CDH23: variants seen among roughly 807,000 people sequenced by gnomAD.
The protein encoded by CDH23 is cadherin related 23.
A neutral mutation model predicts 317.1 loss-of-function variants in CDH23; 189 were observed. The ratio of observed to expected loss-of-function variants is 0.60; its 90% CI spans 0.53 to 0.67. The LOEUF is 0.67. Ranked by LOEUF, CDH23 falls within the 30% of genes least tolerant of loss-of-function variation. The pLI is 0.00. For missense variants in CDH23, 4,401 were observed against 4,592.4 expected (o/e 0.96, Z 1.20); for synonymous variants, 1,839 against 1,876.8 (o/e 0.98, Z 0.52).
At chr10:71,792,697 C>T (rs1841283159) in intron 47 of CDH23, among the ~76,000 whole-genome samples, 1 of 151,036 alleles carries the variant, frequency 6.6e-6, no homozygotes, top group Admixed American at 6.6e-5. Flanking sequence ...TAGTGGGTGC[C>T]TGTAATCCCA....
chr10:71,684,824 G>A (rs1864807963), intron 18 of CDH23, among the ~76,000 whole-genome samples: 1 of 152,160 alleles, frequency 6.6e-6, no homozygotes, highest in Non-Finnish European at 1.5e-5. Flanking sequence ...GGAGGTCTAG[G>A]GAAATAAGTT....
chr10:71,469,919 G>T (rs922540335), intron 3 of CDH23, among the ~76,000 whole-genome samples: 1 of 152,092 alleles, frequency 6.6e-6, no homozygotes, highest in Non-Finnish European at 1.5e-5. Flanking sequence ...TGTGTACTTT[G>T]TGTGGACACA....
At chr10:71,677,947 C>G (rs1461325280) in intron 16 of CDH23, among the ~76,000 whole-genome samples, 1 of 152,012 alleles carries the variant, frequency 6.6e-6, no homozygotes, top group Non-Finnish European at 1.5e-5. Flanking sequence ...TTCTTCTTGA[C>G]CAACCCCCTA....
At chr10:71,758,142 T>C (rs910668558) in intron 38 of CDH23, among the ~76,000 whole-genome samples, 10 of 152,188 alleles carry the variant, frequency 6.6e-5, no homozygotes, top group Non-Finnish European at 1.3e-4. Context: ...GAGACCAGCC[T>C]GACCAACATG....
intron 8 of CDH23, 95 bp downstream of exon 8, chr10:71,571,013 T>A (rs1857763564): frequency 7.0e-7 from 1 of 1,432,376 alleles, no homozygotes; most frequent in Non-Finnish European, 9.6e-7. Flanking sequence ...TGGGCTGGGC[T>A]CCTCCTTGGC....
chr10:71,652,603 G>C (rs566092223), intron 14 of CDH23, among the ~76,000 whole-genome samples: 49 of 152,338 alleles, frequency 3.2e-4, no homozygotes, highest in African/African-American at 1.2e-3. Context: ...CCTCTTCTGT[G>C]AGCTGGGGGA....
chr10:71,766,332 G>A (rs974969476), intron 38 of CDH23, among the ~76,000 whole-genome samples: 9 of 152,146 alleles, frequency 5.9e-5, no homozygotes, highest in Non-Finnish European at 1.0e-4. Flanking sequence ...TCCAGTTGCC[G>A]TGCTGCTGTC....
chr10:71,796,096 T>C (rs1276901399), intron 48 of CDH23: 12 of 986,114 alleles, frequency 1.2e-5, no homozygotes, highest in Non-Finnish European at 1.4e-5. Context: ...GACTACCCCA[T>C]GGCTGGGGAC....
At chr10:71,406,702 C>T (rs1035544460) in intron 1 of CDH23, among the ~76,000 whole-genome samples, 7 of 152,218 alleles carry the variant, frequency 4.6e-5, no homozygotes, top group African/African-American at 1.2e-4. Flanking sequence ...ATGTTAGCAA[C>T]GAATTTAATA....
chr10:71,525,170 G>A (rs1854963844), intron 6 of CDH23, among the ~76,000 whole-genome samples: 1 of 152,162 alleles, frequency 6.6e-6, no homozygotes, highest in African/African-American at 2.4e-5. Context: ...GCCCCCCAAA[G>A]TGCTGGGATT....
intron 69 of CDH23, 148 bp from the exon 70 acceptor site, chr10:71,814,804 T>C (rs1842072163): frequency 4.5e-6 from 4 of 895,712 alleles, no homozygotes; most frequent in Non-Finnish European, 6.6e-6. Context: ...TGATTCCCCT[T>C]TGCAGGCAGT....
rs181283740 is a variant in CDH23 at position 71,405,079 on chromosome 10, C to T, written c.-6+7761C>T. 4.6e-5 allele frequency among the ~76,000 whole-genome samples: 7 copies of T among 152,282 alleles called. 1 individual carries two copies. The highest frequency in any genetic ancestry group is 2.1e-4 in the South Asian group (1 of 4,824). ...CCATTTGTATCACTAATTCTGTCCC[C>T]GAGGAATGCTGGCTTTCCCTGGCTT... On this transcript the variant is annotated intron_variant, in intron 1 of 69. Coordinates refer to ENST00000224721, the MANE Select transcript of CDH23 (RefSeq NM_022124.6).
At position 71,446,217 on chromosome 10, in the gene CDH23, C is replaced by A. The variant is rs935906056; in HGVS notation, c.68-101C>A. On this transcript the variant is annotated intron_variant, in intron 2 of 69. Coordinates refer to ENST00000224721, the MANE Select transcript of CDH23 (RefSeq NM_022124.6). Reference sequence around the variant, plus strand: ...GGGAAGTTGACCATGGCCATGGACACAGGCTCAGTGCCCACTGCAGCCCTC... The same window carrying A: ...GGGAAGTTGACCATGGCCATGGACAAAGGCTCAGTGCCCACTGCAGCCCTC... The A allele has an allele frequency of 2.6e-6, 3 of 1,138,972 alleles. No homozygotes were observed. In the African/African-American group the frequency reaches 4.6e-5, roughly 17 times the overall value. The allele number at this position is 1,138,972 out of a possible 1,614,324, so 70.6% of individuals were successfully genotyped here. A position where few individuals can be genotyped will look rare whatever the true frequency, so the allele number is the denominator to read the frequency against.
In CDH23 at chr10:71,815,148, T is replaced by A. The variant is rs371764852; in HGVS notation, c.9935T>A (p.Leu3312Gln). 1.7e-5 allele frequency: 27 copies of A among 1,611,412 alleles called. No homozygotes were observed. Among genetic ancestry groups the A allele is most frequent in the Non-Finnish European group, 2.3e-5 (27 of 1,179,144 alleles). Residue 3312 changes from leucine to glutamine, a missense_variant, in exon 70 of 70, where the codon CTG becomes CAG. Leu to Gln is a moderately radical substitution (Grantham distance 113). Coordinates refer to ENST00000224721, the MANE Select transcript of CDH23 (RefSeq NM_022124.6). ...EEDQKGLGRS[L>Q]ETLTAAEATA... ...GACCAGAAGGGCCTGGGCCGCTCGC[T>A]GGAGACGCTGACCGCTGCCGAGGCC...
chr10:71,526,275 C>A (rs2132246638), intron 6 of CDH23, among the ~76,000 whole-genome samples: 1 of 152,340 alleles, frequency 6.6e-6, no homozygotes, highest in African/African-American at 2.4e-5. Flanking sequence ...CTGTCCCTGT[C>A]CTGTCCCACC....
chr10:71,546,206 A>G (rs1856270801), intron 6 of CDH23, among the ~76,000 whole-genome samples: 1 of 152,044 alleles, frequency 6.6e-6, no homozygotes, highest in Non-Finnish European at 1.5e-5. Context: ...CTCCTTACCA[A>G]TGCCCCTTCT....
At position 71,622,980 on chromosome 10, in the gene CDH23, C is replaced by A. The variant is rs117400051; in HGVS notation, c.1134+5587C>A. The A allele has an allele frequency of 4.1e-3, 3,997 of 984,410 alleles. 10 individuals are homozygous for A. Among genetic ancestry groups the A allele is most frequent in the Admixed American group, 0.012 (200 of 16,288 alleles). The allele number at this position is 984,410 out of a possible 1,614,324, so 61.0% of individuals were successfully genotyped here. ...TCCTGAGGGACTATGCTGAAACTTA[C>A]GCAGGTTGGGGGTTAGTTATTAATT... On this transcript the variant is annotated intron_variant, in intron 11 of 69. Transcript: ENST00000224721.
chr10:71,725,721 C>T (rs1341327767), intron 30 of CDH23, among the ~76,000 whole-genome samples: 1 of 152,178 alleles, frequency 6.6e-6, no homozygotes, highest in Non-Finnish European at 1.5e-5. Flanking sequence ...GTTTGTTCCT[C>T]CAGCTGTGGA....
chr10:71,453,736 A>C (rs1487662307), intron 3 of CDH23, among the ~76,000 whole-genome samples: 3 of 152,222 alleles, frequency 2.0e-5, no homozygotes, highest in Non-Finnish European at 4.4e-5. Context: ...CACAGGTGAG[A>C]GGGGTCATGG....
Sources: gnomAD v4.1 joint callset for allele counts (sites outside exome capture counted in the v4.1 genomes callset) on GRCh38, gnomAD v4.1.1 for gene constraint, MANE v1.5 for transcripts, NCBI Gene and HGNC (gene_info 2026-07-23, HGNC 2026-07-21) for gene names.